The following PARPBP variants were observed in gnomAD, a reference collection of about 807,000 sequenced individuals.
The protein encoded by PARPBP is PARP1 binding protein, also known as PCNA-interacting partner.
Under a neutral mutation model 50.0 loss-of-function variants are expected in PARPBP, and 52 were observed. The ratio of observed to expected loss-of-function variants is 1.04; its 90% CI spans 0.83 to 1.31. The LOEUF is 1.31. Ranked by LOEUF, PARPBP falls within the 50% of genes most tolerant of loss-of-function variation. PARPBP has a pLI of 0.00. For synonymous variants in PARPBP, 244 were observed against 232.1 expected, an observed-to-expected ratio of 1.05 and a Z score of -0.47; for missense variants, 697 against 672.0, an observed-to-expected ratio of 1.04 and a Z score of -0.41.
chr12:102,156,246 G>A (rs1395005752), intron 4 of PARPBP, among the ~76,000 whole-genome samples: 1 of 134,104 alleles, frequency 7.5e-6, no homozygotes, highest in African/African-American at 2.9e-5. Flanking sequence ...GAGTGCAGTG[G>A]CGCAATCTCG....
At chr12:102,127,215 C>G (rs747064166) in intron 2 of PARPBP, among the ~76,000 whole-genome samples, 1 of 151,756 alleles carries the variant, frequency 6.6e-6, no homozygotes, top group Admixed American at 6.6e-5. Flanking sequence ...GGCAACATGG[C>G]GAAACCTCGT....
chr12:102,184,932 T>TAA (rs1890170846), intron 9 of PARPBP, among the ~76,000 whole-genome samples: 1 of 141,370 alleles, frequency 7.1e-6, no homozygotes, highest in Non-Finnish European at 1.6e-5. Context: ...GTCACAGAAA[T>TAA]AATATATGAT....
intron 1 of PARPBP, among the ~76,000 whole-genome samples, chr12:102,122,840 G>A (rs7957782): frequency 0.61 from 93,457 of 152,120 alleles, 31,117 homozygotes; most frequent in African/African-American, 0.9. Context: ...ACTTATGACA[G>A]TCGAGTGAGG....
At chr12:102,120,855 C>A (rs79579070) in intron 1 of PARPBP, among the ~76,000 whole-genome samples, 5,470 of 152,240 alleles carry the variant, frequency 0.036, 134 homozygotes, top group African/African-American at 0.064. Context: ...GACTACAGGT[C>A]ATAAAGGGGG....
chr12:102,173,200 AAC>A (rs1888924143), intron 6 of PARPBP, among the ~76,000 whole-genome samples: 1 of 152,214 alleles, frequency 6.6e-6, no homozygotes, highest in South Asian at 2.1e-4. Context: ...ATAAATAGGA[AAC>A]ACATACCCAT....
chr12:102,166,876 AACTT>A (rs1190356596), intron 6 of PARPBP, among the ~76,000 whole-genome samples: 2 of 152,194 alleles, frequency 1.3e-5, no homozygotes, highest in African/African-American at 4.8e-5. Context: ...TTTTGAAAAT[AACTT>A]AGAGACAAAA....
intron 6 of PARPBP, among the ~76,000 whole-genome samples, chr12:102,173,911 A>G (rs1381354350): frequency 6.8e-6 from 1 of 146,012 alleles, no homozygotes; most frequent in African/African-American, 2.6e-5. Flanking sequence ...TCTTCAGGGT[A>G]TCTAGTATGC....
chr12:102,148,201 T>A (rs751263978), intron 2 of PARPBP, 29 bp from the exon 3 acceptor site: 7 of 920,640 alleles, frequency 7.6e-6, no homozygotes, highest in Middle Eastern at 2.2e-4. Flanking sequence ...CAACTTTATT[T>A]TTTTTTTTTT....
At chr12:102,144,852 A>G (rs530974739) in intron 2 of PARPBP, among the ~76,000 whole-genome samples, 42 of 152,282 alleles carry the variant, frequency 2.8e-4, no homozygotes, top group African/African-American at 8.7e-4. Flanking sequence ...TTTTGGTACA[A>G]TGCTGGAAAA....
chr12:102,165,403 A>G (rs911883142), intron 5 of PARPBP, among the ~76,000 whole-genome samples: 1 of 152,180 alleles, frequency 6.6e-6, no homozygotes, highest in Non-Finnish European at 1.5e-5. Context: ...GTAGTCAACT[A>G]TATTATAATA....
chr12:102,151,921 AG>A (rs1291837258), intron 3 of PARPBP: 1 of 690,662 alleles, frequency 1.4e-6, no homozygotes, highest in African/African-American at 1.8e-5. Flanking sequence ...ATATAAAACC[AG>A]GAGCAAACCT....
At chr12:102,153,745 A>G (rs1388711300) in intron 3 of PARPBP, 124 bp from the exon 4 acceptor site, 1 of 598,390 alleles carries the variant, frequency 1.7e-6, no homozygotes, top group Non-Finnish European at 3.0e-6. Flanking sequence ...ATTCTTAATG[A>G]TTGCTAACAA....
At chr12:102,148,759 G>A (rs1183168287) in intron 3 of PARPBP, 1 of 248,462 alleles carries the variant, frequency 4.0e-6, no homozygotes, top group African/African-American at 2.2e-5. Context: ...TTTGAATCAT[G>A]TCAAAGATTG....
intron 4 of PARPBP, among the ~76,000 whole-genome samples, chr12:102,162,332 G>A (rs140390677): frequency 1.1e-3 from 163 of 152,208 alleles, no homozygotes; most frequent in Non-Finnish European, 1.8e-3. Flanking sequence ...AATTACTGAA[G>A]GATTTTTGAA....
At chr12:102,164,168 T>C (rs1474575632) in intron 4 of PARPBP, among the ~76,000 whole-genome samples, 1 of 152,202 alleles carries the variant, frequency 6.6e-6, no homozygotes, top group African/African-American at 2.4e-5. Flanking sequence ...ACTGCTGATA[T>C]CTGTTCTTGA....
In PARPBP at chr12:102,187,561, G is replaced by A. The variant is rs75848941; in HGVS notation, c.1263+4934G>A. On this transcript the variant is annotated intron_variant, in intron 9 of 10. Transcript: ENST00000327680. ...ATGAGATGAAGTGAACCTTCCTCTG[G>A]TATATACAATATGTAATAAACTCCT... 4.4e-3 allele frequency among the ~76,000 whole-genome samples: 666 copies of A among 152,170 alleles called. 37 individuals carry two copies. The East Asian group carries it at 0.089, about 20-fold the overall frequency.
At chr12:102,161,865 G>A (rs1240247009) in intron 4 of PARPBP, among the ~76,000 whole-genome samples, 1 of 152,160 alleles carries the variant, frequency 6.6e-6, no homozygotes, top group Non-Finnish European at 1.5e-5. Flanking sequence ...TTTAGACTGG[G>A]GAATCAGGGA....
At chr12:102,155,871 A>G (rs972699008) in intron 4 of PARPBP, among the ~76,000 whole-genome samples, 45 of 152,272 alleles carry the variant, frequency 3.0e-4, no homozygotes, top group African/African-American at 1.1e-3. Flanking sequence ...GCTGCTCCCA[A>G]GCGGCTAAAG....
chr12:102,178,518 G>T, intron 7 of PARPBP, 74 bp from the exon 8 acceptor site: 1 of 873,852 alleles, frequency 1.1e-6, no homozygotes, highest in African/African-American at 1.7e-5. Flanking sequence ...CAGTGCCACA[G>T]GGAATTTAAA....
Sources: allele counts gnomAD v4.1 joint callset (sites outside exome capture counted in the v4.1 genomes callset), GRCh38; gene constraint gnomAD v4.1.1; transcripts MANE v1.5; gene names NCBI Gene and HGNC (gene_info 2026-07-23, HGNC 2026-07-21).